The following SMARCC1 variants were observed in gnomAD, a reference collection of about 807,000 sequenced individuals.
The protein encoded by SMARCC1 is SWI/SNF related BAF chromatin remodeling complex subunit C1.
Under a neutral mutation model 147.4 loss-of-function variants are expected in SMARCC1, and 43 were observed. The observed-to-expected ratio is 0.29, with a 90% CI of 0.23 to 0.38. SMARCC1 has a LOEUF of 0.38. Ranked by LOEUF, SMARCC1 falls within the 10% of genes least tolerant of loss-of-function variation. The probability of loss-of-function intolerance (pLI) is 1.00; values close to 1 mark genes in which losing one functional copy is unlikely to be tolerated. For missense variants in SMARCC1, 1,119 were observed against 1,381.1 expected (o/e 0.81, Z 3.01); for synonymous variants, 495 against 484.4 (o/e 1.02, Z -0.29).
intron 26 of SMARCC1, among the ~76,000 whole-genome samples, chr3:47,593,009 T>C (rs2032211141): frequency 6.6e-6 from 1 of 151,818 alleles, no homozygotes; most frequent in South Asian, 2.1e-4. Flanking sequence ...TTATTTTTAG[T>C]AGAGACGGGG....
intron 10 of SMARCC1, 26 bp downstream of exon 10, chr3:47,706,383 C>T (rs1283476642): frequency 2.0e-6 from 3 of 1,505,776 alleles, no homozygotes; most frequent in Non-Finnish European, 2.7e-6. Context: ...GTTTTAATGC[C>T]CTTTGAATCA....
chr3:47,766,543 C>T (rs944118694), intron 2 of SMARCC1, among the ~76,000 whole-genome samples: 10 of 152,080 alleles, frequency 6.6e-5, no homozygotes, highest in African/African-American at 2.2e-4. Flanking sequence ...CACTGCACTC[C>T]AGCCTGAGTG....
At chr3:47,703,273 G>T (rs2106789661) in intron 10 of SMARCC1, among the ~76,000 whole-genome samples, 1 of 152,290 alleles carries the variant, frequency 6.6e-6, no homozygotes, top group African/African-American at 2.4e-5. Flanking sequence ...ATGGTGGCAT[G>T]CACCTGTAGT....
chr3:47,676,611 A>G lies in SMARCC1; in HGVS notation c.1725+18T>C. 6.2e-7 allele frequency: 1 copy of G among 1,609,054 alleles called. No individual in the cohort carries two copies. ...TTTGTTACTATCCAGGTCTGATGAAAAGTCAACATTAATTTACCTGAGGTG... is the reference window on the plus strand; with the variant it reads ...TTTGTTACTATCCAGGTCTGATGAAGAGTCAACATTAATTTACCTGAGGTG... On this transcript the variant is annotated intron_variant, in intron 17 of 27. Coordinates refer to ENST00000254480, the MANE Select transcript of SMARCC1 (RefSeq NM_003074.4).
At chr3:47,673,169 A>C (rs921712224) in intron 18 of SMARCC1, among the ~76,000 whole-genome samples, 3 of 151,824 alleles carry the variant, frequency 2.0e-5, no homozygotes, top group African/African-American at 7.3e-5. Context: ...CGATCACTGG[A>C]GCTCAGGAGT....
chr3:47,707,780 G>C (rs2034013684), intron 9 of SMARCC1, among the ~76,000 whole-genome samples: 2 of 152,108 alleles, frequency 1.3e-5, no homozygotes, highest in South Asian at 4.1e-4. Flanking sequence ...TCAGAATACT[G>C]AGCCGGGAGG....
At chr3:47,746,920 G>A (rs929985678) in intron 2 of SMARCC1, among the ~76,000 whole-genome samples, 1 of 151,834 alleles carries the variant, frequency 6.6e-6, no homozygotes, top group East Asian at 1.9e-4. Context: ...AGTAGAGACA[G>A]GGTTTCTCTA....
At chr3:47,662,063 C>T (rs542296487) in intron 20 of SMARCC1, among the ~76,000 whole-genome samples, 2 of 151,280 alleles carry the variant, frequency 1.3e-5, no homozygotes, top group Admixed American at 1.3e-4. Context: ...GGCACGATCT[C>T]GGCTCACTGC....
At chr3:47,666,762 AGT>A (rs921280771) in intron 19 of SMARCC1, among the ~76,000 whole-genome samples, 1 of 152,004 alleles carries the variant, frequency 6.6e-6, no homozygotes, top group Non-Finnish European at 1.5e-5. Flanking sequence ...AGCTATTGTT[AGT>A]GTTAGTGTAT....
chr3:47,634,655 C>T (rs886489686), intron 24 of SMARCC1, among the ~76,000 whole-genome samples: 4 of 152,114 alleles, frequency 2.6e-5, no homozygotes, highest in East Asian at 1.9e-4. Flanking sequence ...GTAACATTCT[C>T]ATGTCTTCTT....
At chr3:47,663,686 A>T in intron 19 of SMARCC1, 1 of 1,489,436 alleles carries the variant, frequency 6.7e-7, no homozygotes, top group Non-Finnish European at 9.4e-7. Flanking sequence ...TGAGGGGCTT[A>T]GCCCCACTGT....
In SMARCC1 at chr3:47,597,179, T is replaced by C. The variant is rs979818227; in HGVS notation, c.3044-6342A>G. ...AAAAAAAAAAAAAAAGAGAGAGAGA[T>C]GAGGTCTTGCTCTGTCACCCAGGCT... On this transcript the variant is annotated intron_variant, in intron 26 of 27. Transcript: ENST00000254480. Among the ~76,000 whole-genome samples the C allele has an allele frequency of 5.4e-5, 8 of 147,562 alleles. No individual in the cohort carries two copies. In the South Asian group the frequency reaches 8.5e-4, roughly 16 times the overall value.
chr3:47,635,322 G>C lies in SMARCC1; in HGVS notation c.2514C>G (p.Asn838Lys). 6.2e-7 allele frequency: 1 copy of C among 1,612,340 alleles called. No homozygotes were observed. The highest frequency in any genetic ancestry group is 1.1e-5 in the South Asian group (1 of 91,042). The change falls in exon 24 of 28, where the codon AAC (asparagine) becomes AAG (lysine). Residue 838 changes from asparagine (N) to lysine (K), a missense_variant. Physicochemically the swap from Asn to Lys is moderately conservative, Grantham distance 94. Transcript: ENST00000254480. ...CTTTACATGTATCAGTGAGTTCTTT[G>C]TTCTCTTCAGTCTCCTTTTCTTCTG... Reference protein sequence around the residue: ...TKSEEKETEENKELTDTCKER... With the variant: ...TKSEEKETEEKKELTDTCKER...
intron 2 of SMARCC1, among the ~76,000 whole-genome samples, chr3:47,747,837 T>A (rs902049052): frequency 6.6e-6 from 1 of 151,036 alleles, no homozygotes; most frequent in African/African-American, 2.4e-5. Context: ...GTGGACTTCT[T>A]CGCCTTATAA....
At chr3:47,736,187 TATG>T in intron 4 of SMARCC1, 61 bp from the exon 5 acceptor site, 26 of 926,398 alleles carry the variant, frequency 2.8e-5, no homozygotes, top group Non-Finnish European at 4.0e-5. Flanking sequence ...TCATATTATT[TATG>T]CAATATACAA....
chr3:47,760,851 G>A (rs2034765169), intron 2 of SMARCC1, among the ~76,000 whole-genome samples: 1 of 151,982 alleles, frequency 6.6e-6, no homozygotes, highest in South Asian at 2.1e-4. Flanking sequence ...TAAAAAATTT[G>A]GCCAGGTGCT....
intron 25 of SMARCC1, among the ~76,000 whole-genome samples, chr3:47,618,982 A>T (rs1327013034): frequency 6.6e-6 from 1 of 152,042 alleles, no homozygotes; most frequent in Non-Finnish European, 1.5e-5. Flanking sequence ...CCAACAATCC[A>T]CTCCACTATA....
chr3:47,761,405 T>C (rs1336817269), intron 2 of SMARCC1, among the ~76,000 whole-genome samples: 1 of 152,142 alleles, frequency 6.6e-6, no homozygotes, highest in African/African-American at 2.4e-5. Context: ...AAGGACATTT[T>C]TGAGACAACT....
intron 24 of SMARCC1, among the ~76,000 whole-genome samples, chr3:47,634,738 AAG>A (rs1193928839): frequency 1.1e-4 from 17 of 152,330 alleles, no homozygotes; most frequent in Admixed American, 9.8e-4. Flanking sequence ...CAAGAAGAAA[AAG>A]AGCTATTTTA....
Sources: gnomAD v4.1 joint callset for allele counts (sites outside exome capture counted in the v4.1 genomes callset) on GRCh38, gnomAD v4.1.1 for gene constraint, MANE v1.5 for transcripts, NCBI Gene and HGNC (gene_info 2026-07-23, HGNC 2026-07-21) for gene names.